PAK5: variants seen among roughly 807,000 people sequenced by gnomAD.
The protein encoded by PAK5 is p21 (RAC1) activated kinase 5.
Under a neutral mutation model 65.9 loss-of-function variants are expected in PAK5, and 16 were observed. The observed-to-expected ratio is 0.24, with a 90% CI of 0.16 to 0.37. The LOEUF (loss-of-function observed/expected upper bound fraction) is 0.37. Ranked by LOEUF, PAK5 falls within the 10% of genes least tolerant of loss-of-function variation. The pLI is 1.00. For synonymous variants in PAK5, 371 were observed against 354.9 expected, an observed-to-expected ratio of 1.05 and a Z score of -0.51; for missense variants, 785 against 903.9, an observed-to-expected ratio of 0.87 and a Z score of 1.69.
intron 3 of PAK5, among the ~76,000 whole-genome samples, chr20:9,599,369 A>G (rs2046322375): frequency 6.6e-6 from 1 of 152,200 alleles, no homozygotes; most frequent in African/African-American, 2.4e-5. Flanking sequence ...TTTTGGGTGT[A>G]CTGAGTAGTG....
chr20:9,764,480 G>T (rs2048734087), intron 1 of PAK5, among the ~76,000 whole-genome samples: 1 of 152,148 alleles, frequency 6.6e-6, no homozygotes, highest in African/African-American at 2.4e-5. Context: ...ATAAATGTGG[G>T]TATATCACTT....
intron 3 of PAK5, among the ~76,000 whole-genome samples, chr20:9,600,060 G>C (rs12481540): frequency 8.5e-5 from 13 of 152,122 alleles, no homozygotes; most frequent in Admixed American, 3.3e-4. Flanking sequence ...TCATTTTTTA[G>C]GCTGTTGGGT....
intron 3 of PAK5, among the ~76,000 whole-genome samples, chr20:9,588,012 T>C (rs192553552): frequency 5.3e-5 from 8 of 152,322 alleles, no homozygotes; most frequent in African/African-American, 1.9e-4. Flanking sequence ...GGGAATTACA[T>C]GTTCATTTTC....
chr20:9,649,634 C>T (rs1055257004), intron 2 of PAK5, among the ~76,000 whole-genome samples: 6 of 152,284 alleles, frequency 3.9e-5, no homozygotes, highest in African/African-American at 1.4e-4. Context: ...TCTCCCAATT[C>T]AGGTCTCTAC....
At position 9,793,440 on chromosome 20, in the gene PAK5, T is replaced by C. The variant is rs577007623; in HGVS notation, c.-162+45322A>G. Among the ~76,000 whole-genome samples, 57 of 152,110 alleles carry C rather than the reference T, an allele frequency of 3.7e-4. 1 individual carries two copies. Among genetic ancestry groups the C allele is most frequent in the Admixed American group, 6.6e-4 (10 of 15,258 alleles). On this transcript the variant is annotated intron_variant, in intron 1 of 9. Coordinates refer to ENST00000353224, the MANE Select transcript of PAK5 (RefSeq NM_177990.4). ...AGGTGGAAAGAGAGCTGACTCAGAG[T>C]GTTCTAGAATTGTGAAACAAGTTCC...
intron 2 of PAK5, among the ~76,000 whole-genome samples, chr20:9,684,810 T>C (rs2047696491): frequency 6.6e-6 from 1 of 152,214 alleles, no homozygotes; most frequent in Admixed American, 6.5e-5. Flanking sequence ...AAGGTTTTCT[T>C]AAGACTAAAA....
Position 9,819,199 on chromosome 20 carries a change from C to T in PAK5, c.-162+19563G>A, listed in dbSNP as rs6118744. On this transcript the variant is annotated intron_variant, in intron 1 of 9. Transcript: ENST00000353224. ...TGCAATTTTATCACCGATTTCCCTC[C>T]CATTAAGTAAGGTTCTGAATATGCA... 1.1e-3 allele frequency among the ~76,000 whole-genome samples: 165 copies of T among 152,258 alleles called. 1 individual carries two copies. The highest frequency in any genetic ancestry group is 3.5e-3 in the African/African-American group (147 of 41,572).
rs556835429 is a variant in PAK5, at chr20:9,690,900, C to T, written c.-12+20386G>A. On this transcript the variant is annotated intron_variant, in intron 2 of 9. Transcript: ENST00000353224. The stretch of plus-strand genomic sequence containing the variant: ...TCCCGAGTAGCTGGGATTACAGGTA[C>T]CCACCACCATGCCCAGCTAATTTTT... 7.3e-5 allele frequency among the ~76,000 whole-genome samples: 11 copies of T among 151,716 alleles called. No individual in the cohort carries two copies. The South Asian group carries it at 2.3e-3, about 32-fold the overall frequency.
chr20:9,714,104 A>G (rs2048112229), intron 1 of PAK5, among the ~76,000 whole-genome samples: 2 of 152,086 alleles, frequency 1.3e-5, no homozygotes, highest in Admixed American at 1.3e-4. Context: ...CATGTATCAA[A>G]ACATCACATG....
chr20:9,585,968 A>G lies in PAK5; in HGVS notation c.205-5038T>C, dbSNP rs566230849. On this transcript the variant is annotated intron_variant, in intron 3 of 9. Coordinates refer to ENST00000353224, the MANE Select transcript of PAK5 (RefSeq NM_177990.4). ...ACATCTAGGAGGAAGCAATAGATGT[A>G]ACTAGAGAGAGAGAAAAAAGAGATA... 3.3e-5 allele frequency among the ~76,000 whole-genome samples: 5 copies of G among 152,312 alleles called. No individual in the cohort carries two copies. The South Asian group carries it at 1.0e-3, about 32-fold the overall frequency.
At chr20:9,737,279 TA>T (rs2048400337) in intron 1 of PAK5, among the ~76,000 whole-genome samples, 1 of 152,042 alleles carries the variant, frequency 6.6e-6, no homozygotes, top group Non-Finnish European at 1.5e-5. Flanking sequence ...AGTGTATAGA[TA>T]GACACAAATA....
intron 2 of PAK5, among the ~76,000 whole-genome samples, chr20:9,692,076 A>G (rs2047805383): frequency 6.6e-6 from 1 of 152,188 alleles, no homozygotes; most frequent in African/African-American, 2.4e-5. Flanking sequence ...TAATTGTTCA[A>G]ACTTTGCTGA....
intron 2 of PAK5, among the ~76,000 whole-genome samples, chr20:9,699,405 GA>G (rs1161054915): frequency 1.3e-5 from 2 of 151,894 alleles, no homozygotes; most frequent in African/African-American, 4.8e-5. Context: ...CCCCAGGTAT[GA>G]GAAACAATCT....
chr20:9,576,053 C>T (rs749606583), intron 4 of PAK5, among the ~76,000 whole-genome samples: 46 of 152,326 alleles, frequency 3.0e-4, no homozygotes, highest in African/African-American at 1.0e-3. Context: ...ACCCTCACCT[C>T]ACTGCCACCA....
intron 2 of PAK5, among the ~76,000 whole-genome samples, chr20:9,666,269 AAGCATGATAT>A (rs2047416012): frequency 6.6e-6 from 1 of 152,154 alleles, no homozygotes; most frequent in African/African-American, 2.4e-5. Flanking sequence ...GTATTGAAAC[AAGCATGATAT>A]AGCCTCCTGA....
chr20:9,718,668 A>G (rs2048178884), intron 1 of PAK5, among the ~76,000 whole-genome samples: 1 of 152,210 alleles, frequency 6.6e-6, no homozygotes, highest in Non-Finnish European at 1.5e-5. Flanking sequence ...AACTGAATTG[A>G]GAAAACTCAA....
intron 5 of PAK5, among the ~76,000 whole-genome samples, chr20:9,564,597 T>C (rs2045643245): frequency 1.3e-5 from 2 of 152,348 alleles, no homozygotes; most frequent in East Asian, 1.9e-4. Flanking sequence ...GGTGAGGGTC[T>C]AGATTGGTAC....
At chr20:9,636,095 T>C (rs2046980347) in intron 3 of PAK5, among the ~76,000 whole-genome samples, 1 of 152,194 alleles carries the variant, frequency 6.6e-6, no homozygotes, top group South Asian at 2.1e-4. Flanking sequence ...GGGAAAACTG[T>C]TACCTTAGGT....
rs74209304 is a variant in PAK5, at chr20:9,766,522, AATATAT to A, written c.-161-55093_-161-55088del. 1.4e-3 allele frequency among the ~76,000 whole-genome samples: 47 copies of A among 34,794 alleles called. 8 individuals are homozygous for A. The highest frequency in any genetic ancestry group is 1.7e-3 in the Non-Finnish European group (33 of 19,558). 22.8% of individuals were successfully genotyped at this position (34,794 alleles called of 152,430 possible). ...TATATATATATATATATTCAAGCAG[AATATAT>A]ATATATATATATATATATATATTTT... On this transcript the variant is annotated intron_variant, in intron 1 of 9. Transcript: ENST00000353224.
Sources: allele counts gnomAD v4.1 joint callset (sites outside exome capture counted in the v4.1 genomes callset), GRCh38; gene constraint gnomAD v4.1.1; transcripts MANE v1.5; gene names NCBI Gene and HGNC (gene_info 2026-07-23, HGNC 2026-07-21).